UGGT2: variants seen among roughly 807,000 people sequenced by gnomAD.
The protein encoded by UGGT2 is UDP-glucose:glycoprotein glucosyltransferase 2.
Under a neutral mutation model 192.1 loss-of-function variants are expected in UGGT2, and 180 were observed. The observed-to-expected ratio is 0.94, with a 90% CI of 0.83 to 1.06. The LOEUF (loss-of-function observed/expected upper bound fraction) is 1.06, where lower values mean the gene tolerates loss of function less well. Among genes scored for constraint, UGGT2 ranks in the 50% least tolerant of loss-of-function variants. UGGT2 has a pLI of 0.00. For missense variants in UGGT2, 1,849 were observed against 1,795.7 expected, an observed-to-expected ratio of 1.03 and a Z score of -0.54; for synonymous variants, 580 against 591.0, an observed-to-expected ratio of 0.98 and a Z score of 0.27.
chr13:96,031,538 G>C (rs918640497), intron 2 of UGGT2, among the ~76,000 whole-genome samples: 2 of 152,014 alleles, frequency 1.3e-5, no homozygotes, highest in Non-Finnish European at 2.9e-5. Context: ...GCTAGTCTCT[G>C]ACTCCTGGGC....
At chr13:95,993,190 C>T (rs1251755588) in intron 7 of UGGT2, among the ~76,000 whole-genome samples, 8 of 152,024 alleles carry the variant, frequency 5.3e-5, no homozygotes, top group Admixed American at 4.6e-4. Flanking sequence ...GAGAACTAAG[C>T]ATTGGGTATA....
At chr13:95,949,554 A>T (rs1340033152) in intron 12 of UGGT2, 100 bp from the exon 13 acceptor site, 2 of 1,162,010 alleles carry the variant, frequency 1.7e-6, no homozygotes, top group Non-Finnish European at 2.3e-6. Flanking sequence ...ATATACATAG[A>T]ATTTTCTATA....
chr13:96,020,326 A>G (rs965449481), intron 4 of UGGT2, among the ~76,000 whole-genome samples: 3 of 152,170 alleles, frequency 2.0e-5, no homozygotes, highest in Non-Finnish European at 4.4e-5. Flanking sequence ...TATTGTACTT[A>G]GAAACAGTCT....
Position 95,927,075 on chromosome 13 carries a change from T to C in UGGT2, c.2153A>G (p.Asp718Gly), listed in dbSNP as rs765517644. 8.1e-6 allele frequency: 13 copies of C among 1,611,622 alleles called. No homozygotes were observed. Among genetic ancestry groups the C allele is most frequent in the Non-Finnish European group, 1.0e-5 (12 of 1,179,360 alleles). ...GTTCTTTGCAATTACAGCACTCTTA[T>C]CTTGTGAATCCAAGAAAAAGAAAGT... ...FSTFFFLDSQ[D>G]KSAVIAKNMY... The change falls in exon 19 of 39, where the codon GAT becomes GGT. Residue 718 changes from aspartate (D) to glycine (G), a missense_variant. Transcript: ENST00000376747.
chr13:95,928,317 G>A (rs1229975260), intron 17 of UGGT2, among the ~76,000 whole-genome samples: 3 of 151,644 alleles, frequency 2.0e-5, no homozygotes, highest in Admixed American at 6.6e-5. Flanking sequence ...CCTCCCCGAC[G>A]GGACGGCTGG....
At chr13:95,885,441 A>C (rs966720592) in intron 26 of UGGT2, among the ~76,000 whole-genome samples, 3 of 152,216 alleles carry the variant, frequency 2.0e-5, no homozygotes, top group Admixed American at 6.5e-5. Flanking sequence ...GTTACTTCCC[A>C]AAAAGGCATC....
In UGGT2 at chr13:95,982,286, A is replaced by T. The variant is rs144274114; in HGVS notation, c.1092+1518T>A. On this transcript the variant is annotated intron_variant, in intron 10 of 38. Transcript: ENST00000376747. ...TTTTCTAACAAAGAACAGCCTGTAA[A>T]ATCGAGCTGCAGACACAGGCAAGCA... Among the ~76,000 whole-genome samples the T allele has an allele frequency of 4.4e-4, 67 of 152,328 alleles. No homozygotes were observed. In the South Asian group the frequency reaches 4.6e-3, roughly 10 times the overall value.
intron 36 of UGGT2, among the ~76,000 whole-genome samples, chr13:95,845,909 G>C (rs911493505): frequency 6.6e-6 from 1 of 150,682 alleles, no homozygotes; most frequent in African/African-American, 2.4e-5. Context: ...GACGGGATGA[G>C]GGCCGGGGAG....
intron 27 of UGGT2, among the ~76,000 whole-genome samples, chr13:95,883,786 C>T (rs570703116): frequency 1.3e-5 from 2 of 152,252 alleles, no homozygotes; most frequent in South Asian, 2.1e-4. Flanking sequence ...GACTACCACA[C>T]GTATCTTAAA....
chr13:95,972,513 T>C, intron 11 of UGGT2, 67 bp downstream of exon 11: 1 of 1,334,106 alleles, frequency 7.5e-7, no homozygotes, highest in South Asian at 1.3e-5. Flanking sequence ...TGACTTACAC[T>C]AAATTCAAGA....
At chr13:95,804,986 A>G (rs1201555143) in intron 38 of UGGT2, among the ~76,000 whole-genome samples, 1 of 152,142 alleles carries the variant, frequency 6.6e-6, no homozygotes, top group Admixed American at 6.5e-5. Flanking sequence ...CACCATCAAC[A>G]GAATGGAAAG....
Position 95,986,374 on chromosome 13 carries a change from T to C in UGGT2, c.990A>G (p.Lys330=), listed in dbSNP as rs1218859700. 1 of 1,605,584 alleles carries C rather than the reference T, an allele frequency of 6.2e-7. No individual in the cohort carries two copies. Among genetic ancestry groups the C allele is most frequent in the East Asian group, 2.2e-5 (1 of 44,596 alleles). Residue 330 remains lysine (K), a synonymous_variant, in exon 9 of 39, where the codon AAA becomes AAG. Transcript: ENST00000376747. ...IMSAPVYDSI[K]LMKDISQNFP... ...AGTTCTGTGAAATGTCTTTCATTAA[T>C]TTAATGGAATCATAAACTGGAGCGG...
At position 96,053,164 on chromosome 13, in the gene UGGT2, A is replaced by C. The variant is rs1230094115; in HGVS notation, c.149T>G (p.Leu50Arg). The change falls in exon 1 of 39, where the codon CTG (leucine) becomes CGG (arginine). Residue 50 changes from leucine (L) to arginine (R), a missense_variant. Physicochemically the swap from Leu to Arg is moderately radical, Grantham distance 102. Transcript: ENST00000376747. The stretch of plus-strand genomic sequence containing the variant: ...CCCGGCCCGCACCCACCTTGCCTCC[A>C]GCAGCAGCGGGGTCTCGGGCCACTT... ...AAKWPETPLL[L>R]EASEFMAEES... 3 of 1,512,216 alleles carry C rather than the reference A, an allele frequency of 2.0e-6. No individual in the cohort carries two copies. The African/African-American group carries it at 4.3e-5, about 21-fold the overall frequency. The allele number at this position is 1,512,216 out of a possible 1,614,324, so 93.7% of individuals were successfully genotyped here. A position where few individuals can be genotyped will look rare whatever the true frequency, so the allele number is the denominator to read the frequency against.
At chr13:95,942,221 GGTGTGTGTGTGT>G (rs370041064) in intron 15 of UGGT2, among the ~76,000 whole-genome samples, 42,000 of 117,422 alleles carry the variant, frequency 0.36, 6,869 homozygotes, top group East Asian at 0.46. Context: ...TTAGGGTGAG[GGTGTGTGTGTGT>G]GTGTGTGTGT....
intron 12 of UGGT2, among the ~76,000 whole-genome samples, chr13:95,953,266 C>T (rs964079586): frequency 9.2e-5 from 14 of 152,168 alleles, no homozygotes; most frequent in African/African-American, 2.9e-4. Flanking sequence ...CTTCATGCTA[C>T]GTCTAAGTTT....
chr13:95,964,167 A>G (rs2050492009), intron 12 of UGGT2, among the ~76,000 whole-genome samples: 1 of 152,166 alleles, frequency 6.6e-6, no homozygotes, highest in South Asian at 2.1e-4. Context: ...AAATTCATGT[A>G]TTTATAGCCA....
At chr13:95,844,964 T>C (rs1443416446) in intron 36 of UGGT2, among the ~76,000 whole-genome samples, 1 of 152,162 alleles carries the variant, frequency 6.6e-6, no homozygotes, top group Non-Finnish European at 1.5e-5. Flanking sequence ...GAAGTTCCCT[T>C]CCGGTTCTAG....
At chr13:95,917,439 C>A (rs536767305) in intron 20 of UGGT2, among the ~76,000 whole-genome samples, 32 of 152,190 alleles carry the variant, frequency 2.1e-4, no homozygotes, top group African/African-American at 6.7e-4. Flanking sequence ...GAAAAACCGT[C>A]GGCAGCCATG....
chr13:95,857,513 A>G (rs1036270332), intron 33 of UGGT2, among the ~76,000 whole-genome samples: 10 of 152,174 alleles, frequency 6.6e-5, no homozygotes, highest in African/African-American at 2.4e-4. Context: ...GTAAGTATGT[A>G]TAATTTTAGC....
Sources: allele counts gnomAD v4.1 joint callset (sites outside exome capture counted in the v4.1 genomes callset), GRCh38; gene constraint gnomAD v4.1.1; transcripts MANE v1.5; gene names NCBI Gene and HGNC (gene_info 2026-07-23, HGNC 2026-07-21).